Variants in DHX57 observed in about 807,000 individuals in gnomAD.
DHX57 encodes the protein putative ATP-dependent RNA helicase DHX57.
A neutral mutation model predicts 156.2 loss-of-function variants in DHX57; 105 were observed. That is an observed-to-expected ratio of 0.67 (90% confidence interval 0.57 to 0.79). DHX57 has a LOEUF of 0.79. Among genes scored for constraint, DHX57 ranks in the 30% least tolerant of loss-of-function variants. The pLI is 0.00. For synonymous variants in DHX57, 704 were observed against 595.6 expected (o/e 1.18, Z -2.65); for missense variants, 1,847 against 1,661.9 (o/e 1.11, Z -1.94).
chr2:38,872,292 G>A (rs1046516056), intron 1 of DHX57, among the ~76,000 whole-genome samples: 2 of 152,116 alleles, frequency 1.3e-5, no homozygotes, highest in African/African-American at 4.8e-5. Context: ...AAATGCAAAT[G>A]AAAGCATAAA....
intron 21 of DHX57, chr2:38,810,846 C>A: frequency 1.3e-6 from 1 of 743,228 alleles, no homozygotes. Flanking sequence ...TACCTCAGGA[C>A]TTCATTTCAA....
rs183380757 is a variant in DHX57, at chr2:38,861,517, T to G, written c.893A>C (p.Gln298Pro). 1 of 1,614,162 alleles carries G rather than the reference T, an allele frequency of 6.2e-7. No individual in the cohort carries two copies. The highest frequency in any genetic ancestry group is 2.2e-5 in the East Asian group (1 of 44,882). ...TTTACAGATTTCAAGTGAATTCTCTTGTACATTTTTGGTACTTTCTTTTGG... is the reference window on the plus strand; with the variant it reads ...TTTACAGATTTCAAGTGAATTCTCTGGTACATTTTTGGTACTTTCTTTTGG... ...SKPKESTKNV[Q>P]ENSLEICKFY... Residue 298 changes from glutamine to proline, a missense_variant, in exon 5 of 24, where the codon CAA becomes CCA. Transcript: ENST00000457308.
At chr2:38,806,770 C>G in intron 21 of DHX57, 77 bp from the exon 22 acceptor site, 1 of 1,418,020 alleles carries the variant, frequency 7.1e-7, no homozygotes, top group Non-Finnish European at 9.6e-7. Flanking sequence ...CACAAAAGCA[C>G]AAAACCAGTC....
In DHX57 at chr2:38,856,381, T is replaced by C. The variant is rs1179845934; in HGVS notation, c.1668A>G (p.Leu556=). ...TGACAACCACCTGGTGCTTACGCAA[T>C]AAGTTAAGAATGGTTTCTCTTTCTT... ...AWEERETILN[L]LRKHQVVVIS... The change falls in exon 7 of 24, where the codon TTA becomes TTG. Residue 556 remains leucine (L), a synonymous_variant. Coordinates refer to ENST00000457308, the MANE Select transcript of DHX57 (RefSeq NM_198963.3). 6.2e-7 allele frequency: 1 copy of C among 1,613,892 alleles called. No homozygotes were observed. The highest frequency in any genetic ancestry group is 1.1e-5 in the South Asian group (1 of 91,022).
intron 2 of DHX57, among the ~76,000 whole-genome samples, 184 bp downstream of exon 2, chr2:38,867,998 G>C (rs1434284338): frequency 5.9e-5 from 9 of 152,162 alleles, no homozygotes; most frequent in Non-Finnish European, 8.8e-5. Flanking sequence ...AATTCACAGT[G>C]TCATGCAACC....
rs1031143347 is a variant in DHX57 at position 38,862,403 on chromosome 2, G to A, written c.384-70C>T. On this transcript the variant is annotated intron_variant, in intron 3 of 23. Transcript: ENST00000457308. ...TACTTCAAAGAAAAATTTAGCAAAG[G>A]TCTAAGAATTTAATTCATAGGATCC... 7 of 1,377,662 alleles carry A rather than the reference G, an allele frequency of 5.1e-6. No homozygotes were observed. The East Asian group carries it at 1.2e-4, about 25-fold the overall frequency. The allele number at this position is 1,377,662 out of a possible 1,614,324, so 85.3% of individuals were successfully genotyped here. A position where few individuals can be genotyped will look rare whatever the true frequency, so the allele number is the denominator to read the frequency against.
At chr2:38,838,777 A>G (rs1486446333) in intron 12 of DHX57, 2 of 456,392 alleles carry the variant, frequency 4.4e-6, no homozygotes, top group South Asian at 3.1e-5. Flanking sequence ...ATCTTCCCTG[A>G]AAAATAAATG....
rs143374596 is a variant in DHX57 at position 38,828,335 on chromosome 2, C to A, written c.2639+5G>T. On this transcript the variant is annotated splice_donor_5th_base_variant and intron_variant, in intron 14 of 23. Coordinates refer to ENST00000457308, the MANE Select transcript of DHX57 (RefSeq NM_198963.3). ...GATTAAGAATATAGAAAGCAATTAG[C>A]TTACCGATTACTACGTCTGTTGTTG... 1.2e-6 allele frequency: 2 copies of A among 1,607,026 alleles called. No homozygotes were observed. Among genetic ancestry groups the A allele is most frequent in the Non-Finnish European group, 8.5e-7 (1 of 1,176,088 alleles).
At chr2:38,836,408 G>C (rs1460564761) in intron 13 of DHX57, among the ~76,000 whole-genome samples, 1 of 151,956 alleles carries the variant, frequency 6.6e-6, no homozygotes, top group Non-Finnish European at 1.5e-5. Context: ...TTAATGAATA[G>C]TAAATATATT....
intron 13 of DHX57, among the ~76,000 whole-genome samples, chr2:38,831,373 A>G (rs1470763869): frequency 3.4e-5 from 5 of 146,964 alleles, no homozygotes; most frequent in Non-Finnish European, 7.4e-5. Flanking sequence ...CCAGGCTGCC[A>G]GGCTGGAGTG....
intron 11 of DHX57, among the ~76,000 whole-genome samples, chr2:38,844,759 G>C (rs980336371): frequency 4.0e-5 from 6 of 151,614 alleles, no homozygotes; most frequent in African/African-American, 1.2e-4. Context: ...AGAATGACTA[G>C]AGAAGGAAGT....
rs1558370584 is a variant in DHX57 at position 38,825,864 on chromosome 2, C to T, written c.2997G>A (p.Leu999=). The stretch of plus-strand genomic sequence containing the variant: ...GATGTCACCTTAGACACAGCTGTTC[C>T]AATGGCACTCTTTGTATTTCTGGTA... ...QQLPEIQRVP[L]EQLCLRIKIL... is the part of the protein sequence containing the mutation. Residue 999 remains leucine (L), a synonymous_variant, in exon 16 of 24, where the codon TTG becomes TTA. Coordinates refer to ENST00000457308, the MANE Select transcript of DHX57 (RefSeq NM_198963.3). The T allele has an allele frequency of 7.4e-6, 12 of 1,614,142 alleles. No homozygotes were observed. Among genetic ancestry groups the T allele is most frequent in the Non-Finnish European group, 1.0e-5 (12 of 1,180,020 alleles).
chr2:38,866,415 C>G lies in DHX57; in HGVS notation c.224+1767G>C, dbSNP rs116412434. Among the ~76,000 whole-genome samples the G allele has an allele frequency of 8.2e-3, 1,251 of 152,304 alleles. 17 individuals are homozygous for G. The highest frequency in any genetic ancestry group is 0.028 in the African/African-American group (1,162 of 41,576). On this transcript the variant is annotated intron_variant, in intron 2 of 23. Coordinates refer to ENST00000457308, the MANE Select transcript of DHX57 (RefSeq NM_198963.3). ...TGTACTCAGAACTTCACAGCTTATT[C>G]CTTTACTTACTTCTTGCCTCTCTTC...
intron 13 of DHX57, among the ~76,000 whole-genome samples, chr2:38,834,585 C>G (rs972677584): frequency 5.9e-5 from 9 of 152,184 alleles, no homozygotes; most frequent in African/African-American, 2.2e-4. Flanking sequence ...GGTTCTTGTG[C>G]ATTTTTCATT....
In DHX57 at chr2:38,798,444, TA is replaced by T; in HGVS notation, c.4018-3del. On this transcript the variant is annotated splice_polypyrimidine_tract_variant and splice_region_variant and intron_variant, in intron 23 of 23. Coordinates refer to ENST00000457308, the MANE Select transcript of DHX57 (RefSeq NM_198963.3). ...AAGCTCCTTTACCAGTTCAGCCACC[TA>T]AAATGAAAGCTACAATATAAGCAGT... is the stretch of plus-strand genomic sequence containing the variant. 1.2e-6 allele frequency: 2 copies of T among 1,608,362 alleles called. No homozygotes were observed. Among genetic ancestry groups the T allele is most frequent in the Non-Finnish European group, 1.7e-6 (2 of 1,177,948 alleles).
At chr2:38,827,614 T>A (rs1172182829) in intron 14 of DHX57, among the ~76,000 whole-genome samples, 1 of 147,800 alleles carries the variant, frequency 6.8e-6, no homozygotes, top group Non-Finnish European at 1.5e-5. Flanking sequence ...GACAATGATG[T>A]AACCTCAGAA....
rs753107126 is a variant in DHX57 at position 38,868,231 on chromosome 2, C to G, written c.175G>C (p.Asp59His). 3 of 1,614,144 alleles carry G rather than the reference C, an allele frequency of 1.9e-6. No homozygotes were observed. The South Asian group carries it at 3.3e-5, about 18-fold the overall frequency. The change falls in exon 2 of 24, where the codon GAT (aspartate) becomes CAT (histidine). Residue 59 changes from aspartate to histidine, a missense_variant. Transcript: ENST00000457308. ...AAGATACAAAAGTCATCTCCATCAT[C>G]CCATATTCTACTGGAGGCCTTTCTG... is the stretch of plus-strand genomic sequence containing the variant. ...GNRKASSRIW[D>H]DGDDFCIFSE...
chr2:38,869,107 T>C (rs979536189), intron 1 of DHX57, among the ~76,000 whole-genome samples: 10 of 152,232 alleles, frequency 6.6e-5, no homozygotes, highest in African/African-American at 2.2e-4. Flanking sequence ...CAGCCTAGCA[T>C]AGGATTTTAA....
rs1231846001 is a variant in DHX57, at chr2:38,868,328, G to GCCTCCTCTT, written c.69_77dup (p.Gly25_Arg27dup). The GCCTCCTCTT allele has an allele frequency of 1.2e-6, 2 of 1,613,438 alleles. No individual in the cohort carries two copies. Among genetic ancestry groups the GCCTCCTCTT allele is most frequent in the Non-Finnish European group, 1.7e-6 (2 of 1,179,950 alleles). On this transcript the variant is annotated inframe_insertion, in exon 2 of 24. Coordinates refer to ENST00000457308, the MANE Select transcript of DHX57 (RefSeq NM_198963.3). ...CATGAGATTTACTGGCGTGACTCCT[G>GCCTCCTCTT]CCTCCTCTTCCTCCTCTAGAAGACC...
Sources: allele counts gnomAD v4.1 joint callset (sites outside exome capture counted in the v4.1 genomes callset), GRCh38; gene constraint gnomAD v4.1.1; transcripts MANE v1.5; gene names NCBI Gene and HGNC (gene_info 2026-07-23, HGNC 2026-07-21).